The following GPN3 variants were observed in gnomAD, a reference collection of about 807,000 sequenced individuals.
The protein encoded by GPN3 is GPN-loop GTPase 3.
In GPN3, 31 loss-of-function variants were observed where a neutral mutation model predicts 38.7. That is an observed-to-expected ratio of 0.80 (90% confidence interval 0.60 to 1.08). The LOEUF is 1.08. Ranked by LOEUF, GPN3 falls within the 50% of genes least tolerant of loss-of-function variation. The probability of loss-of-function intolerance (pLI) is 0.00; values close to 1 mark genes in which losing one functional copy is unlikely to be tolerated. For missense variants in GPN3, 301 were observed against 354.4 expected (o/e 0.85, Z 1.21); for synonymous variants, 116 against 120.2 (o/e 0.96, Z 0.23).
chr12:110,468,497 A>C, upstream of GPN3: 1 of 1,537,198 alleles, frequency 6.5e-7, no homozygotes, highest in South Asian at 1.2e-5. Flanking sequence ...CAACAGATAA[A>C]GCTCCGCATC....
intron 7 of GPN3, 105 bp downstream of exon 7, chr12:110,453,638 A>G (rs886448626): frequency 3.9e-5 from 33 of 836,154 alleles, no homozygotes; most frequent in Non-Finnish European, 6.2e-5. Context: ...GCCATCAATA[A>G]GACAAAAAAC....
Position 110,459,770 on chromosome 12 carries a change from A to G in GPN3, c.250T>C (p.Phe84Leu), listed in dbSNP as rs1565843740. 1 of 1,612,648 alleles carries G rather than the reference A, an allele frequency of 6.2e-7. No individual in the cohort carries two copies. Among genetic ancestry groups the G allele is most frequent in the East Asian group, 2.2e-5 (1 of 44,872 alleles). ...NGGLVFCMEY[F>L]ANNFDWLENC... ...TCCAGCCAGTCAAAATTATTGGCAA[A>G]GTACTCCATGCAAAATACCAATCCT... Residue 84 changes from phenylalanine (F) to leucine (L), a missense_variant, in exon 3 of 8, where the codon TTT (phenylalanine) becomes CTT (leucine). Phe to Leu is a conservative substitution (Grantham distance 22). Transcript: ENST00000228827.
chr12:110,468,303 T>G, upstream of GPN3: 1 of 1,589,962 alleles, frequency 6.3e-7, no homozygotes, highest in African/African-American at 1.3e-5. Context: ...TCCACATTCT[T>G]TCTACGCCTC....
chr12:110,466,105 T>G (rs1165657215), intron 1 of GPN3, among the ~76,000 whole-genome samples: 1 of 151,718 alleles, frequency 6.6e-6, no homozygotes, highest in Non-Finnish European at 1.5e-5. Flanking sequence ...TCTAGGCTAC[T>G]TGTCTGTGTC....
At chr12:110,455,003 T>C (rs1275781396) in intron 6 of GPN3, among the ~76,000 whole-genome samples, 1 of 151,706 alleles carries the variant, frequency 6.6e-6, no homozygotes, top group East Asian at 1.9e-4. Flanking sequence ...TTGTATTTTT[T>C]AGTAGAGATG....
chr12:110,465,232 ATG>A lies in GPN3; in HGVS notation c.49-20_49-19del. Reference sequence around the variant, plus strand: ...TAGGTGCTCTGTAATGTCACAAGGCATGAGAGGTTAAAGCAACAGGTAGTGTA... The same window carrying A: ...TAGGTGCTCTGTAATGTCACAAGGCAAGAGGTTAAAGCAACAGGTAGTGTA... On this transcript the variant is annotated intron_variant, in intron 1 of 7. Transcript: ENST00000228827. 7.1e-7 allele frequency: 1 copy of A among 1,407,092 alleles called. No individual in the cohort carries two copies. The highest frequency in any genetic ancestry group is 1.0e-6 in the Non-Finnish European group (1 of 990,512). 87.2% of individuals were successfully genotyped at this position (1,407,092 alleles called of 1,614,324 possible). A position where few individuals can be genotyped will look rare whatever the true frequency, so the allele number is the denominator to read the frequency against.
chr12:110,468,297 C>G (rs1406156851), upstream of GPN3: 2 of 1,592,922 alleles, frequency 1.3e-6, no homozygotes, highest in Admixed American at 1.7e-5. Context: ...TCGCAATCCA[C>G]ATTCTTTCTA....
At chr12:110,467,400 T>C (rs537043180) in intron 1 of GPN3, among the ~76,000 whole-genome samples, 1 of 152,356 alleles carries the variant, frequency 6.6e-6, no homozygotes, top group South Asian at 2.1e-4. Flanking sequence ...TTATCCCTAC[T>C]GTAAACTGAA....
At chr12:110,459,562 G>A in intron 3 of GPN3, 133 bp downstream of exon 3, 1 of 699,160 alleles carries the variant, frequency 1.4e-6, no homozygotes, top group Non-Finnish European at 2.5e-6. Flanking sequence ...CTTAGTAAGT[G>A]ACAGCCATTG....
At chr12:110,468,350 G>T (rs2062652625), upstream of GPN3, 1 of 1,535,490 alleles carries the variant, frequency 6.5e-7, no homozygotes, top group Non-Finnish European at 8.7e-7. Context: ...GGCAGCCCGC[G>T]GGCCAAATCC....
intron 2 of GPN3, among the ~76,000 whole-genome samples, chr12:110,462,035 G>A (rs1219474339): frequency 6.6e-6 from 1 of 152,090 alleles, no homozygotes; most frequent in Non-Finnish European, 1.5e-5. Flanking sequence ...TAGAGATGGG[G>A]TTTCACCATG....
At chr12:110,456,282 T>C (rs1242539723) in intron 4 of GPN3, among the ~76,000 whole-genome samples, 3 of 146,776 alleles carry the variant, frequency 2.0e-5, no homozygotes, top group Non-Finnish European at 3.0e-5. Context: ...TGAGCCAAGA[T>C]TGCGCCACCA....
intron 7 of GPN3, among the ~76,000 whole-genome samples, chr12:110,453,469 G>A (rs1478619069): frequency 1.3e-5 from 2 of 152,132 alleles, no homozygotes; most frequent in Admixed American, 1.3e-4. Context: ...AATGACATAC[G>A]TGAGGGCAGC....
chr12:110,464,953 T>C (rs1484416655), intron 2 of GPN3, 153 bp downstream of exon 2: 1 of 640,148 alleles, frequency 1.6e-6, no homozygotes, highest in Non-Finnish European at 2.9e-6. Context: ...CATATCACCA[T>C]GAACAGATGT....
intron 2 of GPN3, chr12:110,461,181 A>T (rs1336770450): frequency 1.6e-6 from 2 of 1,286,050 alleles, no homozygotes; most frequent in East Asian, 4.6e-5. Context: ...GTGCGCATTG[A>T]TACCAGGCTC....
In GPN3 at chr12:110,452,978, G is replaced by T. The variant is rs754564161; in HGVS notation, c.*56C>A. 2.5e-6 allele frequency: 2 copies of T among 813,444 alleles called. No individual in the cohort carries two copies. The highest frequency in any genetic ancestry group is 1.3e-5 in the South Asian group (1 of 74,762). 50.4% of individuals were successfully genotyped at this position (813,444 alleles called of 1,614,324 possible). A position where few individuals can be genotyped will look rare whatever the true frequency, so the allele number is the denominator to read the frequency against. Reference sequence around the variant, plus strand: ...CTACTATTGCATCCTTTGAAGAGAAGAATGTTCTGCTGGTTTGGCCACAAG... The same window carrying T: ...CTACTATTGCATCCTTTGAAGAGAATAATGTTCTGCTGGTTTGGCCACAAG... On this transcript the variant is annotated 3_prime_UTR_variant, in exon 8 of 8. Transcript: ENST00000228827.
At chr12:110,456,022 G>T in intron 4 of GPN3, 92 bp from the exon 5 acceptor site, 1 of 711,242 alleles carries the variant, frequency 1.4e-6, no homozygotes, top group African/African-American at 1.8e-5. Flanking sequence ...CACTGGAACA[G>T]AACTGGCCTA....
intron 6 of GPN3, among the ~76,000 whole-genome samples, chr12:110,454,104 C>A (rs547316593): frequency 1.3e-5 from 2 of 152,152 alleles, no homozygotes; most frequent in Non-Finnish European, 2.9e-5. Flanking sequence ...CACTGTTTCA[C>A]GGCTATTTAT....
chr12:110,468,304 TC>T (rs1296810478), upstream of GPN3: 10 of 1,589,454 alleles, frequency 6.3e-6, no homozygotes, highest in Non-Finnish European at 8.5e-6. Flanking sequence ...CCACATTCTT[TC>T]TACGCCTCCA....
Sources: gnomAD v4.1 joint callset for allele counts (sites outside exome capture counted in the v4.1 genomes callset) on GRCh38, gnomAD v4.1.1 for gene constraint, MANE v1.5 for transcripts, NCBI Gene and HGNC (gene_info 2026-07-23, HGNC 2026-07-21) for gene names.